Variants in PTPRC observed in about 807,000 individuals in gnomAD.
PTPRC encodes receptor-type tyrosine-protein phosphatase C.
PTPRC carries 44 observed loss-of-function variants against 155.9 expected under a neutral mutation model. The observed-to-expected ratio is 0.28, with a 90% CI of 0.22 to 0.36. The LOEUF is 0.36. PTPRC is among the 10% of genes least tolerant of loss of function. The pLI is 1.00. For synonymous variants in PTPRC, 525 were observed against 533.1 expected (o/e 0.98, Z 0.21); for missense variants, 1,401 against 1,564.6 (o/e 0.90, Z 1.76).
At chr1:198,698,427 C>G in intron 4 of PTPRC, among the ~76,000 whole-genome samples, 1 of 152,002 alleles carries the variant, frequency 6.6e-6, no homozygotes, top group East Asian at 1.9e-4. Context: ...GGAATAAAGT[C>G]TATATGAGTT....
At chr1:198,736,105 T>C (rs948992745) in intron 23 of PTPRC, among the ~76,000 whole-genome samples, 1 of 151,542 alleles carries the variant, frequency 6.6e-6, no homozygotes, top group East Asian at 1.9e-4. Context: ...GATGTTTTGA[T>C]TGAGGCATAC....
rs576001396 is a variant in PTPRC at position 198,642,972 on chromosome 1, T to C, written c.73+3631T>C. Among the ~76,000 whole-genome samples, 26 of 104,678 alleles carry C rather than the reference T, an allele frequency of 2.5e-4. No homozygotes were observed. In the East Asian group the frequency reaches 3.3e-3, roughly 13 times the overall value. The allele number at this position is 104,678 out of a possible 152,430, so 68.7% of individuals were successfully genotyped here. A position where few individuals can be genotyped will look rare whatever the true frequency, so the allele number is the denominator to read the frequency against. On this transcript the variant is annotated intron_variant, in intron 2 of 32. Coordinates refer to ENST00000442510, the MANE Select transcript of PTPRC (RefSeq NM_002838.5). ...TCTTTCTTTCTTTCTTTCTTTCTTT[T>C]TTCTTTCTTTTTCTTCTATGATTGA...
rs114970039 is a variant in PTPRC at position 198,754,304 on chromosome 1, T to C, written c.3545T>C (p.Leu1182Ser). 5.4e-4 allele frequency: 871 copies of C among 1,611,930 alleles called. 1 individual carries two copies. The highest frequency in any genetic ancestry group is 1.8e-3 in the Middle Eastern group (11 of 6,056). Residue 1182 changes from leucine to serine, a missense_variant, in exon 32 of 33, where the codon TTG becomes TCG. Leu to Ser is a moderately radical substitution (Grantham distance 145, BLOSUM62 -2). This residue lies in a region of PTPRC where 400 missense variants were observed against 389.5 expected (regional missense o/e 1.03). Transcript: ENST00000442510. ...GSQQTGIFCA[L>S]LNLLESAETE... The stretch of plus-strand genomic sequence containing the variant: ...CAGCAAACGGGAATATTTTGTGCTT[T>C]GTTAAATCTCTTAGAAAGTGCGGAA...
intron 22 of PTPRC, 123 bp downstream of exon 22, chr1:198,734,548 A>G (rs1408211042): frequency 1.1e-6 from 1 of 882,938 alleles, no homozygotes; most frequent in Non-Finnish European, 1.9e-6. Context: ...TATTTTAATC[A>G]GTGTTAACAT....
chr1:198,735,941 C>T (rs181149536), intron 23 of PTPRC, among the ~76,000 whole-genome samples: 1 of 151,660 alleles, frequency 6.6e-6, no homozygotes, highest in Non-Finnish European at 1.5e-5. Context: ...GATGGTTGTA[C>T]TATTTAGTGA....
intron 11 of PTPRC, among the ~76,000 whole-genome samples, chr1:198,711,922 A>C (rs1653331172): frequency 6.6e-6 from 1 of 152,210 alleles, no homozygotes; most frequent in South Asian, 2.1e-4. Context: ...CTGAGATGAT[A>C]ATACTATACA....
intron 14 of PTPRC, among the ~76,000 whole-genome samples, 176 bp downstream of exon 14, chr1:198,718,478 CAA>C (rs1351484570): frequency 3.9e-5 from 6 of 152,150 alleles, no homozygotes; most frequent in Admixed American, 6.5e-5. Context: ...TCCTATAGCT[CAA>C]GTCAGTGGTT....
At chr1:198,699,447 T>G in intron 4 of PTPRC, 117 bp from the exon 5 acceptor site, 1 of 1,224,538 alleles carries the variant, frequency 8.2e-7, no homozygotes, top group Middle Eastern at 2.6e-4. Flanking sequence ...TTTAACAGAT[T>G]CAGTTACTTC....
intron 2 of PTPRC, chr1:198,657,632 G>A (rs542590369): frequency 1.1e-4 from 16 of 152,256 alleles, no homozygotes; most frequent in African/African-American, 3.6e-4. Flanking sequence ...AACATTATGA[G>A]AAAACTTTTG....
chr1:198,715,192 G>A (rs1376654020), intron 12 of PTPRC, among the ~76,000 whole-genome samples: 2 of 152,154 alleles, frequency 1.3e-5, no homozygotes, highest in East Asian at 1.9e-4. Context: ...ATGCGATCTC[G>A]GCTCACTGCA....
chr1:198,690,984 A>G (rs888492960), intron 2 of PTPRC, among the ~76,000 whole-genome samples: 3 of 152,034 alleles, frequency 2.0e-5, no homozygotes, highest in Non-Finnish European at 4.4e-5. Context: ...GTGAATCCCC[A>G]TATTATTTGA....
chr1:198,741,157 G>A (rs1654882107), intron 23 of PTPRC, among the ~76,000 whole-genome samples: 1 of 151,838 alleles, frequency 6.6e-6, no homozygotes, highest in South Asian at 2.1e-4. Flanking sequence ...GTTTACTGGT[G>A]TTAATTAACT....
chr1:198,686,238 C>A (rs1665617096), intron 2 of PTPRC, among the ~76,000 whole-genome samples: 1 of 152,000 alleles, frequency 6.6e-6, no homozygotes, highest in Non-Finnish European at 1.5e-5. Flanking sequence ...TTTAATGTAT[C>A]TAGTCAATTC....
intron 11 of PTPRC, among the ~76,000 whole-genome samples, chr1:198,711,757 T>C (rs995679259): frequency 6.6e-6 from 1 of 152,316 alleles, no homozygotes; most frequent in Non-Finnish European, 1.5e-5. Context: ...CAGAGAGCTC[T>C]TTCAGCTGCA....
At chr1:198,739,151 AAAG>A (rs1261764157) in intron 23 of PTPRC, among the ~76,000 whole-genome samples, 1 of 151,804 alleles carries the variant, frequency 6.6e-6, no homozygotes, top group Non-Finnish European at 1.5e-5. Flanking sequence ...GACAGGAAGA[AAAG>A]AAAGAAGGAA....
intron 28 of PTPRC, 38 bp from the exon 29 acceptor site, chr1:198,750,454 T>C: frequency 6.3e-7 from 1 of 1,593,860 alleles, no homozygotes. Flanking sequence ...AGCTCTCTTC[T>C]GTAGTAACGA....
At chr1:198,708,315 A>G in intron 10 of PTPRC, 54 bp downstream of exon 10, 2 of 1,528,152 alleles carry the variant, frequency 1.3e-6, no homozygotes, top group Non-Finnish European at 1.8e-6. Context: ...ATGTTGTTCT[A>G]GATATTATTT....
intron 2 of PTPRC, among the ~76,000 whole-genome samples, chr1:198,656,711 T>C (rs1663599415): frequency 6.6e-6 from 1 of 151,442 alleles, no homozygotes; most frequent in African/African-American, 2.4e-5. Flanking sequence ...TACTGATCTG[T>C]AGTTTTACGA....
In PTPRC at chr1:198,743,122, C is replaced by T. The variant is rs73087367; in HGVS notation, c.2697+755C>T. ...CATATCAATGAAAGAATGGAAACAC[C>T]GTAAATATGTATCAATAGGGGAATA... On this transcript the variant is annotated intron_variant, in intron 25 of 32. Transcript: ENST00000442510. Among the ~76,000 whole-genome samples the T allele has an allele frequency of 8.4e-3, 1,183 of 140,204 alleles. 18 individuals carry two copies. Among genetic ancestry groups the T allele is most frequent in the African/African-American group, 0.029 (1,124 of 38,538 alleles). The allele number at this position is 140,204 out of a possible 152,430, so 92.0% of individuals were successfully genotyped here. A position where few individuals can be genotyped will look rare whatever the true frequency, so the allele number is the denominator to read the frequency against.
Sources: gnomAD v4.1 joint callset for allele counts (sites outside exome capture counted in the v4.1 genomes callset) on GRCh38, gnomAD v4.1.1 for gene constraint, gnomAD v4.1.1 regional missense constraint, MANE v1.5 for transcripts, NCBI Gene and HGNC (gene_info 2026-07-23, HGNC 2026-07-21) for gene names.